The following FER1L6 variants were observed in gnomAD, a reference collection of about 807,000 sequenced individuals.
The protein encoded by FER1L6 is fer-1 like family member 6.
In FER1L6, 177 loss-of-function variants were observed where a neutral mutation model predicts 219.2. The ratio of observed to expected loss-of-function variants is 0.81; its 90% CI spans 0.71 to 0.91. The LOEUF (loss-of-function observed/expected upper bound fraction) is 0.91, where lower values mean the gene tolerates loss of function less well. FER1L6 is among the 40% of genes least tolerant of loss of function. FER1L6 has a pLI of 0.00. For synonymous variants in FER1L6, 768 were observed against 824.3 expected, an observed-to-expected ratio of 0.93 and a Z score of 1.17; for missense variants, 2,153 against 2,259.9, an observed-to-expected ratio of 0.95 and a Z score of 0.96.
intron 11 of FER1L6, 158 bp from the exon 12 acceptor site, chr8:123,985,910 A>G: frequency 1.7e-6 from 1 of 596,000 alleles, no homozygotes. Flanking sequence ...ATCCTGATTC[A>G]TACATGTCTT....
intron 5 of FER1L6, 78 bp from the exon 6 acceptor site, chr8:123,969,957 A>C: frequency 1.8e-6 from 2 of 1,115,042 alleles, no homozygotes; most frequent in Non-Finnish European, 2.8e-6. Context: ...AATGACAAAG[A>C]TCTAAATCCA....
intron 5 of FER1L6, among the ~76,000 whole-genome samples, chr8:123,969,173 C>T (rs1402567395): frequency 6.6e-6 from 1 of 152,174 alleles, no homozygotes; most frequent in African/African-American, 2.4e-5. Flanking sequence ...ATCTGGGTAG[C>T]ATCTTTTAAA....
At chr8:123,858,643 T>C (rs1377323493) in intron 1 of FER1L6, among the ~76,000 whole-genome samples, 1 of 152,218 alleles carries the variant, frequency 6.6e-6, no homozygotes, top group Non-Finnish European at 1.5e-5. Context: ...TCTCTTCATA[T>C]ACTTTGGCCA....
At chr8:123,911,419 A>G (rs1813045039) in intron 1 of FER1L6, among the ~76,000 whole-genome samples, 1 of 152,206 alleles carries the variant, frequency 6.6e-6, no homozygotes, top group Non-Finnish European at 1.5e-5. Context: ...AGGCAGTGTC[A>G]TGCTTCACAT....
At chr8:123,888,959 A>G (rs1310378098) in intron 1 of FER1L6, among the ~76,000 whole-genome samples, 1 of 152,248 alleles carries the variant, frequency 6.6e-6, no homozygotes, top group Non-Finnish European at 1.5e-5. Flanking sequence ...AATCTTTACT[A>G]AACAAGCTGG....
chr8:123,911,411 G>A (rs1052397489), intron 1 of FER1L6, among the ~76,000 whole-genome samples: 1 of 152,166 alleles, frequency 6.6e-6, no homozygotes. Context: ...AATGGCCCAG[G>A]CAGTGTCATG....
rs1052809597 is a variant in FER1L6 at position 123,977,676 on chromosome 8, A to G, written c.1063+67A>G. The G allele has an allele frequency of 1.8e-5, 26 of 1,479,220 alleles. No homozygotes were observed. The Admixed American group carries it at 1.8e-4, about 10-fold the overall frequency. The allele number at this position is 1,479,220 out of a possible 1,614,324, so 91.6% of individuals were successfully genotyped here. A position where few individuals can be genotyped will look rare whatever the true frequency, so the allele number is the denominator to read the frequency against. On this transcript the variant is annotated intron_variant, in intron 10 of 40. Transcript: ENST00000522917. ...CTTGCTTTAGAGCCCTCATCTTTAA[A>G]AGGGGTGGGCTAGAGCAGCAGTCCC...
chr8:124,066,674 G>C lies in FER1L6; in HGVS notation c.3678+124G>C, dbSNP rs4394375. 3,386 of 1,107,078 alleles carry C rather than the reference G, an allele frequency of 3.1e-3. 80 individuals are homozygous for C. In the African/African-American group the frequency reaches 0.048, roughly 16 times the overall value. 68.6% of individuals were successfully genotyped at this position (1,107,078 alleles called of 1,614,324 possible). A position where few individuals can be genotyped will look rare whatever the true frequency, so the allele number is the denominator to read the frequency against. ...TATACATAGACCCTACTCAGGTGTG[G>C]TTCTGTTAACTGCAGAAAGGTAAAA... On this transcript the variant is annotated intron_variant, in intron 27 of 40. Coordinates refer to ENST00000522917, the MANE Select transcript of FER1L6 (RefSeq NM_001039112.2).
In FER1L6 at chr8:124,035,470, G is replaced by A. The variant is rs764727124; in HGVS notation, c.2464+16G>A. On this transcript the variant is annotated intron_variant, in intron 19 of 40. Transcript: ENST00000522917. ...CTCTACCAAGGTAGGGTCCCCACTG[G>A]GCAAAGAGGGTCATTCGAGGTCTCA... 6.3e-7 allele frequency: 1 copy of A among 1,598,638 alleles called. No individual in the cohort carries two copies. The highest frequency in any genetic ancestry group is 1.3e-5 in the African/African-American group (1 of 74,406).
intron 21 of FER1L6, chr8:124,046,843 A>T (rs893188919): frequency 6.6e-6 from 1 of 152,208 alleles, no homozygotes; most frequent in African/African-American, 2.4e-5. Flanking sequence ...TTGGAGGCTG[A>T]ACCAGGTCCC....
intron 1 of FER1L6, among the ~76,000 whole-genome samples, chr8:123,865,052 G>A (rs1031789232): frequency 5.3e-5 from 8 of 151,070 alleles, no homozygotes; most frequent in African/African-American, 1.5e-4. Context: ...AGGAGGAGAG[G>A]TGCTCTGTGT....
intron 1 of FER1L6, among the ~76,000 whole-genome samples, chr8:123,951,434 G>A (rs1421434508): frequency 1.3e-5 from 2 of 152,106 alleles, no homozygotes; most frequent in Non-Finnish European, 2.9e-5. Context: ...TAGTCACATG[G>A]GTCTATATTT....
chr8:124,037,936 C>T lies in FER1L6; in HGVS notation c.2465-1946C>T, dbSNP rs937040978. 1.8e-4 allele frequency among the ~76,000 whole-genome samples: 27 copies of T among 152,224 alleles called. No individual in the cohort carries two copies. The East Asian group carries it at 4.3e-3, about 24-fold the overall frequency. On this transcript the variant is annotated intron_variant, in intron 19 of 40. Transcript: ENST00000522917. ...TCTGGCCTAGAGGGAGCAGTGTTGT[C>T]TCCTTGTTGGTTCTTCTCCCTGACA...
At chr8:124,116,583 G>A (rs1823256753) in intron 39 of FER1L6, among the ~76,000 whole-genome samples, 1 of 152,238 alleles carries the variant, frequency 6.6e-6, no homozygotes, top group African/African-American at 2.4e-5. Flanking sequence ...AAGTGCCAGA[G>A]CTGAGTTTAT....
chr8:124,030,248 A>G (rs1252462125), intron 18 of FER1L6, among the ~76,000 whole-genome samples: 1 of 152,228 alleles, frequency 6.6e-6, no homozygotes, highest in Non-Finnish European at 1.5e-5. Flanking sequence ...GGAAACTATT[A>G]ATACAGAGGA....
intron 1 of FER1L6, among the ~76,000 whole-genome samples, chr8:123,942,490 T>A (rs1814280340): frequency 6.6e-6 from 1 of 152,230 alleles, no homozygotes; most frequent in African/African-American, 2.4e-5. Flanking sequence ...AGCATCATCC[T>A]CTCACAGTTC....
chr8:124,111,063 C>T lies in FER1L6; in HGVS notation c.5289+7754C>T, dbSNP rs1008039855. ...ATTTGAAGGAGATGGTTCTCAGATC[C>T]TTGAAAAAAACATTCCTGGGTGTTA... On this transcript the variant is annotated intron_variant, in intron 39 of 40. Coordinates refer to ENST00000522917, the MANE Select transcript of FER1L6 (RefSeq NM_001039112.2). This position sits in a 1 kb window ranked among gnomAD's most constrained non-coding sequence, Gnocchi z 5.0. 6.6e-6 allele frequency among the ~76,000 whole-genome samples: 1 copy of T among 151,970 alleles called. No individual in the cohort carries two copies. The highest frequency in any genetic ancestry group is 2.4e-5 in the African/African-American group (1 of 41,374).
chr8:124,017,647 G>GA lies in FER1L6; in HGVS notation c.1949dup (p.Pro651AlafsTer11), dbSNP rs765775004. On this transcript the variant is annotated frameshift_variant, in exon 16 of 41. Coordinates refer to ENST00000522917, the MANE Select transcript of FER1L6 (RefSeq NM_001039112.2). LOFTEE classifies it high-confidence loss of function. ...TTATAGTGCCTTTATCTCTGAAGCA[G>GA]AAAAAAAGCCCAAGATGTTGAACCA... The GA allele has an allele frequency of 1.9e-6, 3 of 1,613,326 alleles. No homozygotes were observed. The East Asian group carries it at 6.7e-5, about 36-fold the overall frequency.
At chr8:123,930,651 C>A (rs1813732252) in intron 1 of FER1L6, among the ~76,000 whole-genome samples, 1 of 152,032 alleles carries the variant, frequency 6.6e-6, no homozygotes, top group Admixed American at 6.6e-5. Context: ...TATGAGTGGC[C>A]CCAGAGAAGT....
Sources: gnomAD v4.1 joint callset for allele counts (sites outside exome capture counted in the v4.1 genomes callset) on GRCh38, gnomAD v4.1.1 for gene constraint, Gnocchi (gnomAD v3.1) non-coding constraint, MANE v1.5 for transcripts, NCBI Gene and HGNC (gene_info 2026-07-23, HGNC 2026-07-21) for gene names.